Variants in BMP6 observed in about 807,000 individuals in gnomAD.
BMP6 encodes bone morphogenetic protein 6.
Under a neutral mutation model 54.1 loss-of-function variants are expected in BMP6, and 17 were observed. The ratio of observed to expected loss-of-function variants is 0.31; its 90% CI spans 0.22 to 0.47. The LOEUF (loss-of-function observed/expected upper bound fraction) is 0.47, where lower values mean the gene tolerates loss of function less well. BMP6 is among the 20% of genes least tolerant of loss of function. BMP6 has a pLI of 1.00. For synonymous variants in BMP6, 328 were observed against 291.2 expected, an observed-to-expected ratio of 1.13 and a Z score of -1.28; for missense variants, 720 against 690.4, an observed-to-expected ratio of 1.04 and a Z score of -0.48.
At chr6:7,845,083 C>T in intron 1 of BMP6, 57 bp from the exon 2 acceptor site, 1 of 1,483,330 alleles carries the variant, frequency 6.7e-7, no homozygotes, top group South Asian at 1.2e-5. Context: ...GTGAGGTAAG[C>T]CCGTGGCACT....
At chr6:7,856,889 C>G (rs1270613891) in intron 2 of BMP6, among the ~76,000 whole-genome samples, 1 of 152,148 alleles carries the variant, frequency 6.6e-6, no homozygotes, top group Non-Finnish European at 1.5e-5. Context: ...AGCCACCGCG[C>G]CCGGCCTCAA....
At chr6:7,728,483 C>T (rs1761788877) in intron 1 of BMP6, among the ~76,000 whole-genome samples, 1 of 152,162 alleles carries the variant, frequency 6.6e-6, no homozygotes, top group African/African-American at 2.4e-5. Flanking sequence ...TGTGGCAAAC[C>T]CGGACCCAGT....
rs188522963 is a variant in BMP6, at chr6:7,789,401, G to C, written c.665-55739G>C. ...ACTCTTACCAGGCGTATATGTAGAG[G>C]AAAAGGTCAAAGAAAAACATTTCCA... is the stretch of plus-strand genomic sequence containing the variant. On this transcript the variant is annotated intron_variant, in intron 1 of 6. Transcript: ENST00000283147. Among the ~76,000 whole-genome samples, 3 of 152,276 alleles carry C rather than the reference G, an allele frequency of 2.0e-5. No homozygotes were observed. In the East Asian group the frequency reaches 5.8e-4, roughly 29 times the overall value.
At chr6:7,767,258 G>A (rs987935221) in intron 1 of BMP6, among the ~76,000 whole-genome samples, 1 of 152,146 alleles carries the variant, frequency 6.6e-6, no homozygotes, top group Non-Finnish European at 1.5e-5. Context: ...ACAAGCATGA[G>A]TCACAGCGCC....
chr6:7,733,876 G>A (rs1761914102), intron 1 of BMP6, among the ~76,000 whole-genome samples: 1 of 152,090 alleles, frequency 6.6e-6, no homozygotes, highest in Non-Finnish European at 1.5e-5. Flanking sequence ...CACCACTTCG[G>A]TGAAAATTAG....
intron 1 of BMP6, among the ~76,000 whole-genome samples, chr6:7,780,513 C>T (rs1008101892): frequency 1.3e-5 from 2 of 151,436 alleles, no homozygotes. Context: ...CGCGCCATTG[C>T]ACTCCAGCCT....
chr6:7,730,712 T>C (rs528878039), intron 1 of BMP6, among the ~76,000 whole-genome samples: 4 of 152,196 alleles, frequency 2.6e-5, no homozygotes, highest in Non-Finnish European at 5.9e-5. Context: ...TGCGTACCAA[T>C]GTTGGATTCT....
chr6:7,762,556 A>T (rs1012640640), intron 1 of BMP6, among the ~76,000 whole-genome samples: 1 of 152,358 alleles, frequency 6.6e-6, no homozygotes, highest in African/African-American at 2.4e-5. Context: ...ACATATATAC[A>T]TATGTCCTAA....
At chr6:7,779,112 C>G (rs1208991278) in intron 1 of BMP6, among the ~76,000 whole-genome samples, 1 of 152,182 alleles carries the variant, frequency 6.6e-6, no homozygotes, top group East Asian at 1.9e-4. Flanking sequence ...CTGAGGGTCT[C>G]CCCAAGGAGC....
intron 1 of BMP6, among the ~76,000 whole-genome samples, chr6:7,760,124 C>A (rs1479132432): frequency 7.2e-6 from 1 of 139,640 alleles, no homozygotes; most frequent in Admixed American, 7.4e-5. Context: ...TGGAGTACAG[C>A]GATTATAGCT....
intron 1 of BMP6, among the ~76,000 whole-genome samples, chr6:7,746,936 C>G (rs866168758): frequency 6.6e-6 from 1 of 152,210 alleles, no homozygotes; most frequent in Non-Finnish European, 1.5e-5. Flanking sequence ...CCAACTCACA[C>G]CTGTTCCAGG....
intron 2 of BMP6, among the ~76,000 whole-genome samples, chr6:7,854,886 G>A (rs1463143565): frequency 6.6e-6 from 1 of 152,216 alleles, no homozygotes. Flanking sequence ...CCCAGTGTAT[G>A]GAAGCATTGT....
intron 1 of BMP6, among the ~76,000 whole-genome samples, chr6:7,819,926 G>A (rs1042964828): frequency 6.6e-6 from 1 of 152,248 alleles, no homozygotes; most frequent in Non-Finnish European, 1.5e-5. Context: ...TCATCTGAGA[G>A]TATTTAACAA....
At chr6:7,727,796 A>C (rs1216391261) in intron 1 of BMP6, among the ~76,000 whole-genome samples, 177 bp downstream of exon 1, 1 of 151,328 alleles carries the variant, frequency 6.6e-6, no homozygotes, top group Non-Finnish European at 1.5e-5. Context: ...TGGGCGGCAC[A>C]TGCGCTCCCC....
At chr6:7,736,556 C>T (rs1480439791) in intron 1 of BMP6, among the ~76,000 whole-genome samples, 1 of 152,136 alleles carries the variant, frequency 6.6e-6, no homozygotes, top group Non-Finnish European at 1.5e-5. Flanking sequence ...AACAGAGACT[C>T]CATCAATTCA....
intron 2 of BMP6, among the ~76,000 whole-genome samples, chr6:7,852,539 T>C (rs2113264095): frequency 6.6e-6 from 1 of 152,358 alleles, no homozygotes; most frequent in East Asian, 1.9e-4. Flanking sequence ...ATTGCACCAC[T>C]GCGCTCTATG....
intron 1 of BMP6, among the ~76,000 whole-genome samples, chr6:7,809,773 A>G (rs1222691473): frequency 6.6e-6 from 1 of 152,212 alleles, no homozygotes; most frequent in Non-Finnish European, 1.5e-5. Context: ...ATGAATTCAT[A>G]CTGCGTTCAG....
intron 1 of BMP6, among the ~76,000 whole-genome samples, chr6:7,739,951 A>C (rs1046957120): frequency 6.6e-6 from 1 of 152,142 alleles, no homozygotes; most frequent in South Asian, 2.1e-4. Flanking sequence ...TCCTGTCTTG[A>C]AGACTGCTGC....
At chr6:7,867,869 A>T (rs1382969887) in intron 4 of BMP6, among the ~76,000 whole-genome samples, 1 of 152,238 alleles carries the variant, frequency 6.6e-6, no homozygotes, top group African/African-American at 2.4e-5. Context: ...AGTGGAACAG[A>T]CTGGAAAGTT....
Sources: allele counts gnomAD v4.1 joint callset (sites outside exome capture counted in the v4.1 genomes callset), GRCh38; gene constraint gnomAD v4.1.1; transcripts MANE v1.5; gene names NCBI Gene and HGNC (gene_info 2026-07-23, HGNC 2026-07-21).